Variants in MRNIP observed in about 807,000 individuals in gnomAD.
MRNIP encodes the protein MRN complex-interacting protein.
A neutral mutation model predicts 29.8 loss-of-function variants in MRNIP; 30 were observed. The observed-to-expected ratio is 1.01, with a 90% CI of 0.75 to 1.36. The LOEUF is 1.36. Among genes scored for constraint, MRNIP ranks in the 40% most tolerant of loss-of-function variants. The pLI is 0.00. For synonymous variants in MRNIP, 201 were observed against 164.1 expected (o/e 1.23, Z -1.72); for missense variants, 459 against 423.5 (o/e 1.08, Z -0.74).
chr5:179,837,525 A>T lies in MRNIP; in HGVS notation c.898T>A (p.Cys300Ser). ...CTTGCGTCCCATGAGGTCTTCCCGC[A>T]AGGCCTCTCAGACCCAGATGTGACG... ...HPVTSGSERPCGKTSWDARTP... is the reference protein window; with the variant it reads ...HPVTSGSERPSGKTSWDARTP... Residue 300 changes from cysteine (C) to serine (S), a missense_variant, in exon 7 of 7, where the codon TGC (cysteine) becomes AGC (serine). Transcript: ENST00000292586. 6.2e-7 allele frequency: 1 copy of T among 1,614,174 alleles called. No homozygotes were observed. Among genetic ancestry groups the T allele is most frequent in the Non-Finnish European group, 8.5e-7 (1 of 1,180,004 alleles).
At chr5:179,853,505 G>C (rs1226045142) in intron 1 of MRNIP, 68 bp from the exon 2 acceptor site, 6 of 1,321,232 alleles carry the variant, frequency 4.5e-6, no homozygotes, top group Non-Finnish European at 6.4e-6. Context: ...GGCTGGACTC[G>C]GTGGCTCATG....
chr5:179,843,624 C>CA (rs762999634), intron 4 of MRNIP, among the ~76,000 whole-genome samples: 45 of 152,032 alleles, frequency 3.0e-4, no homozygotes, highest in Non-Finnish European at 5.9e-4. Flanking sequence ...GTTGTAGTCC[C>CA]AGTTACTCAG....
chr5:179,853,334 C>T lies in MRNIP; in HGVS notation c.126+44G>A, dbSNP rs554478180. ...TGCTGGGACTCCCTGGAAGGGCTCG[C>T]TGCAGGCCTGCGCCCCACTTGCTTT... is the stretch of plus-strand genomic sequence containing the variant. On this transcript the variant is annotated intron_variant, in intron 2 of 6. Coordinates refer to ENST00000292586, the MANE Select transcript of MRNIP (RefSeq NM_016175.4). The T allele has an allele frequency of 1.9e-6, 3 of 1,605,838 alleles. No individual in the cohort carries two copies. In the African/African-American group the frequency reaches 4.0e-5, roughly 21 times the overall value.
rs1414662802 is a variant in MRNIP, at chr5:179,848,038, C to T, written c.155G>A (p.Cys52Tyr). 2 of 1,613,902 alleles carry T rather than the reference C, an allele frequency of 1.2e-6. No individual in the cohort carries two copies. The highest frequency in any genetic ancestry group is 8.5e-7 in the Non-Finnish European group (1 of 1,179,910). ...QAYGEGSGADCRRHVQKLNLL... is the reference protein window; with the variant it reads ...QAYGEGSGADYRRHVQKLNLL... ...ATTTAACTTTTGGACATGGCGTCTA[C>T]AATCAGCACCAGAGCCTTCACCATA... Residue 52 changes from cysteine (C) to tyrosine (Y), a missense_variant, in exon 3 of 7, where the codon TGT becomes TAT. Physicochemically the swap from Cys to Tyr is radical, Grantham distance 194. Coordinates refer to ENST00000292586, the MANE Select transcript of MRNIP (RefSeq NM_016175.4).
chr5:179,841,689 G>C (rs936938342), intron 5 of MRNIP: 1 of 598,274 alleles, frequency 1.7e-6, no homozygotes, highest in Non-Finnish European at 3.0e-6. Context: ...GTGTGCACAC[G>C]GGTGTCCTGC....
At chr5:179,846,944 A>C (rs1046377171) in intron 3 of MRNIP, 1 of 152,050 alleles carries the variant, frequency 6.6e-6, no homozygotes, top group Non-Finnish European at 1.5e-5. Context: ...CCCCTCTCCC[A>C]GCCGTCGAAA....
chr5:179,845,824 A>G (rs1165857768), intron 3 of MRNIP: 2 of 152,008 alleles, frequency 1.3e-5, no homozygotes, highest in Admixed American at 6.6e-5. Flanking sequence ...AAATACACCT[A>G]TTTTTTTGGA....
intron 6 of MRNIP, 80 bp downstream of exon 6, chr5:179,840,792 G>A (rs759499697): frequency 2.0e-5 from 22 of 1,088,310 alleles, no homozygotes; most frequent in African/African-American, 3.1e-5. Context: ...CGCACACTTC[G>A]TCAACTGTGA....
At chr5:179,839,475 G>C in intron 6 of MRNIP, 1 of 152,182 alleles carries the variant, frequency 6.6e-6, no homozygotes, top group Non-Finnish European at 1.5e-5. Context: ...AGGCTTGAGG[G>C]AGCATGAAAC....
At chr5:179,855,917 T>TTG (rs1279534193) in intron 1 of MRNIP, among the ~76,000 whole-genome samples, 41 of 148,986 alleles carry the variant, frequency 2.8e-4, no homozygotes, top group African/African-American at 1.0e-3. Context: ...GTTTTTTTTT[T>TTG]TTTTTTTTTG....
At chr5:179,855,277 T>C (rs1356511862) in intron 1 of MRNIP, among the ~76,000 whole-genome samples, 1 of 152,106 alleles carries the variant, frequency 6.6e-6, no homozygotes, top group Admixed American at 6.6e-5. Flanking sequence ...CCCAAGTAGC[T>C]GGGATTACAG....
chr5:179,851,794 T>A (rs190581670), intron 2 of MRNIP, among the ~76,000 whole-genome samples: 1 of 151,972 alleles, frequency 6.6e-6, no homozygotes, highest in Non-Finnish European at 1.5e-5. Flanking sequence ...CTGGCTAACA[T>A]GGTGAAACCC....
chr5:179,843,600 C>T (rs894739037), intron 4 of MRNIP, among the ~76,000 whole-genome samples: 1 of 151,906 alleles, frequency 6.6e-6, no homozygotes, highest in Admixed American at 6.6e-5. Context: ...ATTAGCTGGG[C>T]GTGGTAGGGC....
At chr5:179,839,544 ATTC>A (rs1458284824) in intron 6 of MRNIP, 1 of 152,262 alleles carries the variant, frequency 6.6e-6, no homozygotes, top group Non-Finnish European at 1.5e-5. Flanking sequence ...CTCTCTGGTC[ATTC>A]TTCTAGGATT....
intron 3 of MRNIP, chr5:179,847,367 A>G (rs1407215306): frequency 1.3e-5 from 2 of 151,776 alleles, no homozygotes; most frequent in East Asian, 1.9e-4. Context: ...ACGGGGTTTC[A>G]CCATGCTGGC....
At chr5:179,852,812 G>C (rs906782842) in intron 2 of MRNIP, among the ~76,000 whole-genome samples, 8 of 152,146 alleles carry the variant, frequency 5.3e-5, no homozygotes, top group African/African-American at 1.9e-4. Context: ...GAGTTCAGGA[G>C]GGGCAATACG....
In MRNIP at chr5:179,837,437, A is replaced by G. The variant is rs1758637840; in HGVS notation, c.986T>C (p.Leu329Pro). 4 of 1,608,562 alleles carry G rather than the reference A, an allele frequency of 2.5e-6. No homozygotes were observed. Among genetic ancestry groups the G allele is most frequent in the East Asian group, 2.2e-5 (1 of 44,804 alleles). ...LEAQNPRPTR[L>P]CDLFITGEDF... is the part of the protein sequence containing the mutation. ...TTCCCCAGTTATAAAGAGGTCACAT[A>G]GTCGTGTGGGTCGAGGATTCTGTGC... The change falls in exon 7 of 7, where the codon CTA becomes CCA. Residue 329 changes from leucine to proline, a missense_variant. Transcript: ENST00000292586.
chr5:179,858,495 A>G (rs1419883793), intron 1 of MRNIP, among the ~76,000 whole-genome samples: 1 of 152,206 alleles, frequency 6.6e-6, no homozygotes, highest in Non-Finnish European at 1.5e-5. Context: ...ACTACCTGCT[A>G]CAATTCACAA....
chr5:179,853,869 C>A (rs1053496649), intron 1 of MRNIP, among the ~76,000 whole-genome samples: 1 of 151,864 alleles, frequency 6.6e-6, no homozygotes, highest in Non-Finnish European at 1.5e-5. Flanking sequence ...TGTACCACCA[C>A]GCCCAGCTAA....
Sources: allele counts gnomAD v4.1 joint callset (sites outside exome capture counted in the v4.1 genomes callset), GRCh38; gene constraint gnomAD v4.1.1; transcripts MANE v1.5; gene names NCBI Gene and HGNC (gene_info 2026-07-23, HGNC 2026-07-21).